The following CFAP97D2 variants were observed in gnomAD, a reference collection of about 807,000 sequenced individuals.
The protein encoded by CFAP97D2 is uncharacterized protein CFAP97D2.
intron 4 of CFAP97D2, among the ~76,000 whole-genome samples, chr13:114,213,075 T>C (rs1475263977): frequency 6.6e-6 from 1 of 152,186 alleles, no homozygotes; most frequent in Non-Finnish European, 1.5e-5. Flanking sequence ...AATATACTGC[T>C]TATAAATATC....
chr13:114,202,107 A>C (rs1320342670), intron 3 of CFAP97D2, among the ~76,000 whole-genome samples: 2 of 152,194 alleles, frequency 1.3e-5, no homozygotes, highest in Non-Finnish European at 2.9e-5. Context: ...TAGGTTCATC[A>C]AGTATCTGCG....
chr13:114,213,965 C>T (rs536601195), intron 4 of CFAP97D2, among the ~76,000 whole-genome samples: 195 of 140,720 alleles, frequency 1.4e-3, no homozygotes, highest in African/African-American at 5.5e-3. Flanking sequence ...AGCTCCAGGA[C>T]CACAGACCCC....
intron 1 of CFAP97D2, among the ~76,000 whole-genome samples, chr13:114,190,262 C>T (rs4321069): frequency 0.09 from 13,774 of 152,204 alleles, 1,013 homozygotes; most frequent in African/African-American, 0.2. Flanking sequence ...CACCACTCCT[C>T]TTAAACATCG....
At chr13:114,181,231 G>A (rs1179877649) in intron 1 of CFAP97D2, among the ~76,000 whole-genome samples, 4 of 152,222 alleles carry the variant, frequency 2.6e-5, no homozygotes, top group African/African-American at 9.7e-5. Context: ...AGGAACTGCT[G>A]TTGGGCACAG....
At chr13:114,200,202 C>T (rs1210404573) in intron 2 of CFAP97D2, 123 bp from the exon 3 acceptor site, 4 of 388,270 alleles carry the variant, frequency 1.0e-5, no homozygotes, top group Admixed American at 4.5e-5. Flanking sequence ...GGCGTGATGG[C>T]GCACTCGCCG....
chr13:114,194,052 C>G (rs2138759146), intron 1 of CFAP97D2, among the ~76,000 whole-genome samples: 1 of 152,358 alleles, frequency 6.6e-6, no homozygotes, highest in South Asian at 2.1e-4. Context: ...TAAGAACCAA[C>G]TCACTATTTT....
chr13:114,203,120 G>A lies in CFAP97D2; in HGVS notation c.290+2677G>A, dbSNP rs2080925874. 6.6e-6 allele frequency among the ~76,000 whole-genome samples: 1 copy of A among 152,196 alleles called. No individual in the cohort carries two copies. The highest frequency in any genetic ancestry group is 1.5e-5 in the Non-Finnish European group (1 of 68,044). On this transcript the variant is annotated intron_variant, in intron 3 of 4. Transcript: ENST00000646158. This position sits in a 1 kb window ranked among gnomAD's most constrained non-coding sequence, Gnocchi z 4.3. The stretch of plus-strand genomic sequence containing the variant: ...AAAAGACATCGAAATTGGGAAGGAA[G>A]AAGCAAACTATTTCTATTCACAGAT...
chr13:114,200,756 G>T (rs1049021054), intron 3 of CFAP97D2, among the ~76,000 whole-genome samples: 1 of 152,216 alleles, frequency 6.6e-6, no homozygotes, highest in Non-Finnish European at 1.5e-5. Flanking sequence ...ACCCCGTGTG[G>T]TACGGGCTCT....
rs557834018 is a variant in CFAP97D2, at chr13:114,187,259, C to T, written c.90+7839C>T. Among the ~76,000 whole-genome samples, 1 of 150,806 alleles carries T rather than the reference C, an allele frequency of 6.6e-6. No homozygotes were observed. The highest frequency in any genetic ancestry group is 2.4e-5 in the African/African-American group (1 of 41,048). On this transcript the variant is annotated intron_variant, in intron 1 of 4. Coordinates refer to ENST00000646158, the Ensembl canonical transcript of CFAP97D2. This position sits in a 1 kb window ranked among gnomAD's most constrained non-coding sequence, Gnocchi z 4.2. ...TTAAAACCACAAAAGGCAGAAAAGA[C>T]AAAAATAACAAATATCAAGAGTAAC...
chr13:114,217,970 C>T (rs1393314835), intron 4 of CFAP97D2, among the ~76,000 whole-genome samples: 2 of 152,254 alleles, frequency 1.3e-5, no homozygotes, highest in Non-Finnish European at 1.5e-5. Flanking sequence ...TGGCACAAGA[C>T]AGGGATGCCC....
In CFAP97D2 at chr13:114,189,401, C is replaced by T. The variant is rs1482019117; in HGVS notation, c.91-6995C>T. Among the ~76,000 whole-genome samples, 2 of 152,116 alleles carry T rather than the reference C, an allele frequency of 1.3e-5. No homozygotes were observed. Among genetic ancestry groups the T allele is most frequent in the South Asian group, 4.1e-4 (2 of 4,824 alleles). On this transcript the variant is annotated intron_variant, in intron 1 of 4. Coordinates refer to ENST00000646158, the Ensembl canonical transcript of CFAP97D2. The surrounding 1 kb of genome is among the most constrained non-coding windows in gnomAD (Gnocchi z 4.5). ...GGGTTCATTGGCAAATTCTATTAAACATTTAAGGAAGAAATTTTACCTATT... is the reference window on the plus strand; with the variant it reads ...GGGTTCATTGGCAAATTCTATTAAATATTTAAGGAAGAAATTTTACCTATT...
Position 114,211,945 on chromosome 13 carries a change from C to T in CFAP97D2, c.324C>T (p.Arg108=). The T allele has an allele frequency of 2.5e-6, 1 of 398,766 alleles. No individual in the cohort carries two copies. The highest frequency in any genetic ancestry group is 4.4e-6 in the Non-Finnish European group (1 of 226,150). The allele number at this position is 398,766 out of a possible 1,614,324, so 24.7% of individuals were successfully genotyped here. ...GGGGGAAGAGAGAACAGGAACTTCG[C>T]AGAGTGCGGAAGAAAACACGGCCAT... Residue 108 remains arginine (R), a synonymous_variant, in exon 4 of 5, where the codon CGC becomes CGT. Transcript: ENST00000646158. This position sits in a 1 kb window ranked among gnomAD's most constrained non-coding sequence, Gnocchi z 4.2.
chr13:114,213,615 G>A (rs1341049514), intron 4 of CFAP97D2, among the ~76,000 whole-genome samples: 32 of 92,844 alleles, frequency 3.4e-4, no homozygotes, highest in Admixed American at 5.2e-4. Context: ...CCAGGACCAC[G>A]GATCCTACCC....
intron 1 of CFAP97D2, among the ~76,000 whole-genome samples, chr13:114,184,828 C>A (rs2080849247): frequency 6.6e-6 from 1 of 152,150 alleles, no homozygotes; most frequent in Non-Finnish European, 1.5e-5. Context: ...AATAAAAACT[C>A]TTATTTTTAT....
At chr13:114,196,192 G>A (rs2080886490) in intron 1 of CFAP97D2, among the ~76,000 whole-genome samples, 1 of 152,022 alleles carries the variant, frequency 6.6e-6, no homozygotes, top group South Asian at 2.1e-4. Flanking sequence ...CTTTTAAAAG[G>A]GCAATAGAGG....
chr13:114,215,881 G>A (rs9562157), intron 4 of CFAP97D2: 71,154 of 152,134 alleles, frequency 0.47, 19,619 homozygotes, highest in African/African-American at 0.77. Context: ...CTGTGGTGAT[G>A]TGTCACAATT....
intron 4 of CFAP97D2, among the ~76,000 whole-genome samples, chr13:114,216,478 A>C (rs113111806): frequency 0.065 from 9,877 of 151,416 alleles, 546 homozygotes; most frequent in African/African-American, 0.13. Context: ...GTGTGACGCT[A>C]ACCTTCCTGT....
intron 4 of CFAP97D2, among the ~76,000 whole-genome samples, chr13:114,218,284 A>G (rs972989207): frequency 2.1e-4 from 32 of 152,354 alleles, no homozygotes; most frequent in African/African-American, 7.7e-4. Flanking sequence ...CAATTGCTTC[A>G]AAGAGAATAA....
intron 1 of CFAP97D2, among the ~76,000 whole-genome samples, chr13:114,181,839 C>T (rs542889949): frequency 2.0e-3 from 310 of 151,966 alleles, no homozygotes; most frequent in Admixed American, 4.0e-3. Context: ...AGCCTTCCCC[C>T]TCAGAGCCTG....
Sources: gnomAD v4.1 joint callset for allele counts (sites outside exome capture counted in the v4.1 genomes callset) on GRCh38, gnomAD v4.1.1 for gene constraint, Gnocchi (gnomAD v3.1) non-coding constraint, MANE v1.5 for transcripts, NCBI Gene and HGNC (gene_info 2026-07-23, HGNC 2026-07-21) for gene names.